TRAPPC9: variants seen among roughly 807,000 people sequenced by gnomAD.
TRAPPC9 encodes trafficking protein particle complex subunit 9, also known as IKK2 binding protein.
In TRAPPC9, 83 loss-of-function variants were observed where a neutral mutation model predicts 124.0. That is an observed-to-expected ratio of 0.67 (90% confidence interval 0.56 to 0.80). The LOEUF is 0.80. Among genes scored for constraint, TRAPPC9 ranks in the 30% least tolerant of loss-of-function variants. The probability of loss-of-function intolerance (pLI) is 0.00; values close to 1 mark genes in which losing one functional copy is unlikely to be tolerated. For missense variants in TRAPPC9, 1,302 were observed against 1,508.3 expected, an observed-to-expected ratio of 0.86 and a Z score of 2.27; for synonymous variants, 638 against 617.5, an observed-to-expected ratio of 1.03 and a Z score of -0.49.
intron 17 of TRAPPC9, among the ~76,000 whole-genome samples, chr8:140,132,427 A>G (rs968464346): frequency 2.6e-5 from 4 of 152,022 alleles, no homozygotes; most frequent in Non-Finnish European, 5.9e-5. Context: ...TTTTATTATC[A>G]CCCAAACCTC....
intron 9 of TRAPPC9, among the ~76,000 whole-genome samples, chr8:140,317,676 T>C (rs535555818): frequency 1.3e-5 from 2 of 152,338 alleles, no homozygotes; most frequent in Admixed American, 1.3e-4. Context: ...AGATTTGGAC[T>C]ATAAGCTCCT....
chr8:140,026,212 A>C (rs1306584018), intron 17 of TRAPPC9, among the ~76,000 whole-genome samples: 1 of 152,100 alleles, frequency 6.6e-6, no homozygotes, highest in Non-Finnish European at 1.5e-5. Context: ...ATTCCATTAC[A>C]TGTATGTACT....
At chr8:140,111,337 T>C (rs1226724361) in intron 17 of TRAPPC9, among the ~76,000 whole-genome samples, 1 of 152,106 alleles carries the variant, frequency 6.6e-6, no homozygotes, top group African/African-American at 2.4e-5. Context: ...ATCCAGACTC[T>C]TCTCCACCTG....
At position 139,729,542 on chromosome 8, in the gene TRAPPC9, A is replaced by G. The variant is rs1053971636; in HGVS notation, c.*1519T>C. On this transcript the variant is annotated 3_prime_UTR_variant, in exon 23 of 23. Transcript: ENST00000438773. ...AGCTCCAGGAACTGAGGGCCACTGG[A>G]CACCCGCCCCCACATGCCCCCAGCC... 6.6e-6 allele frequency among the ~76,000 whole-genome samples: 1 copy of G among 152,156 alleles called. No individual in the cohort carries two copies. Among genetic ancestry groups the G allele is most frequent in the African/African-American group, 2.4e-5 (1 of 41,428 alleles).
chr8:140,264,304 G>T (rs2064539250), intron 15 of TRAPPC9, among the ~76,000 whole-genome samples: 1 of 152,064 alleles, frequency 6.6e-6, no homozygotes, highest in South Asian at 2.1e-4. Flanking sequence ...GCCTCCCAAG[G>T]TGCTTCTCGC....
intron 18 of TRAPPC9, among the ~76,000 whole-genome samples, chr8:140,000,741 G>A (rs1178730513): frequency 6.6e-6 from 1 of 152,082 alleles, no homozygotes; most frequent in African/African-American, 2.4e-5. Context: ...AATAGATGCT[G>A]GAGAGGATGT....
In TRAPPC9 at chr8:140,401,927, CT is replaced by C. The variant is rs769830190; in HGVS notation, c.1008+3649del. Among the ~76,000 whole-genome samples, 1,357 of 139,566 alleles carry C rather than the reference CT, an allele frequency of 9.7e-3. 14 individuals carry two copies. The highest frequency in any genetic ancestry group is 0.045 in the Middle Eastern group (12 of 264). The allele number at this position is 139,566 out of a possible 152,430, so 91.6% of individuals were successfully genotyped here. ...AGGCATGAGCCATTGCACTCAACCTCTTTTTTTTTTTTTTTAATTAATTCTT... is the reference window on the plus strand; with the variant it reads ...AGGCATGAGCCATTGCACTCAACCTCTTTTTTTTTTTTTTAATTAATTCTT... On this transcript the variant is annotated intron_variant, in intron 6 of 22. Transcript: ENST00000438773.
intron 9 of TRAPPC9, among the ~76,000 whole-genome samples, chr8:140,320,226 T>C (rs1480348421): frequency 6.6e-6 from 1 of 152,214 alleles, no homozygotes. Context: ...TCTTTCAACA[T>C]AACAATGCTG....
chr8:139,886,468 T>C (rs1291792402), intron 20 of TRAPPC9, among the ~76,000 whole-genome samples: 1 of 152,112 alleles, frequency 6.6e-6, no homozygotes, highest in African/African-American at 2.4e-5. Context: ...AGCCATAAAG[T>C]CTCTCAGCAA....
At chr8:139,793,025 C>A (rs963115352) in intron 21 of TRAPPC9, among the ~76,000 whole-genome samples, 2 of 152,192 alleles carry the variant, frequency 1.3e-5, no homozygotes, top group African/African-American at 4.8e-5. Context: ...TCCGCTGGGT[C>A]TGGCGTTGCA....
chr8:140,051,302 G>C (rs897091063), intron 17 of TRAPPC9, among the ~76,000 whole-genome samples: 11 of 152,246 alleles, frequency 7.2e-5, no homozygotes, highest in African/African-American at 2.7e-4. Context: ...AGGATGGACA[G>C]AGCAGCTCCA....
At chr8:140,110,255 C>T (rs186195238) in intron 17 of TRAPPC9, among the ~76,000 whole-genome samples, 3 of 134,824 alleles carry the variant, frequency 2.2e-5, no homozygotes, top group Admixed American at 7.4e-5. Context: ...GCAGCTCCCC[C>T]CTGCACCCCC....
At chr8:139,920,781 A>T (rs964969755) in intron 19 of TRAPPC9, among the ~76,000 whole-genome samples, 1 of 152,236 alleles carries the variant, frequency 6.6e-6, no homozygotes, top group African/African-American at 2.4e-5. Context: ...GACCAGCAGC[A>T]CCTGCAGAGG....
At chr8:140,153,463 G>A (rs1011560729) in intron 17 of TRAPPC9, among the ~76,000 whole-genome samples, 2 of 151,880 alleles carry the variant, frequency 1.3e-5, no homozygotes, top group Non-Finnish European at 1.5e-5. Flanking sequence ...TTTCTCCTAT[G>A]CTATCAACAC....
chr8:140,357,162 A>C lies in TRAPPC9; in HGVS notation c.1495+2888T>G, dbSNP rs576087337. ...ACAAGTGCAGGAAGAAAGAGAGCAG[A>C]GGCCCAGAGTCCCTGGTCTAGCTAG... On this transcript the variant is annotated intron_variant, in intron 9 of 22. Coordinates refer to ENST00000438773, the MANE Select transcript of TRAPPC9 (RefSeq NM_001160372.4). Among the ~76,000 whole-genome samples, 13 of 152,314 alleles carry C rather than the reference A, an allele frequency of 8.5e-5. No individual in the cohort carries two copies. The South Asian group carries it at 2.7e-3, about 32-fold the overall frequency.
chr8:139,757,437 G>A (rs1208829012), intron 21 of TRAPPC9, among the ~76,000 whole-genome samples: 5 of 150,224 alleles, frequency 3.3e-5, no homozygotes, highest in Non-Finnish European at 7.4e-5. Flanking sequence ...CGCAGGAGGA[G>A]CCAGGGTTTG....
At chr8:140,423,090 G>A (rs1439115450) in intron 5 of TRAPPC9, among the ~76,000 whole-genome samples, 6 of 152,106 alleles carry the variant, frequency 3.9e-5, no homozygotes, top group African/African-American at 1.2e-4. Context: ...AAAGTTAAAC[G>A]TTGAGTTACC....
Position 140,132,540 on chromosome 8 carries a change from C to A in TRAPPC9, c.2556+88919G>T, listed in dbSNP as rs185687197. Among the ~76,000 whole-genome samples, 22 of 152,264 alleles carry A rather than the reference C, an allele frequency of 1.4e-4. No homozygotes were observed. The East Asian group carries it at 3.5e-3, about 24-fold the overall frequency. ...CACTGCAGCTTCACTCCATCAAGCCCACCAACGCAGAGCTTGACACAAACA... is the reference window on the plus strand; with the variant it reads ...CACTGCAGCTTCACTCCATCAAGCCAACCAACGCAGAGCTTGACACAAACA... On this transcript the variant is annotated intron_variant, in intron 17 of 22. Coordinates refer to ENST00000438773, the MANE Select transcript of TRAPPC9 (RefSeq NM_001160372.4).
At chr8:139,970,942 G>A (rs1486845565) in intron 19 of TRAPPC9, among the ~76,000 whole-genome samples, 1 of 138,698 alleles carries the variant, frequency 7.2e-6, no homozygotes, top group Non-Finnish European at 1.5e-5. Flanking sequence ...TGCCCTCCCC[G>A]AGTGAGTGAA....
Sources: allele counts gnomAD v4.1 joint callset (sites outside exome capture counted in the v4.1 genomes callset), GRCh38; gene constraint gnomAD v4.1.1; transcripts MANE v1.5; gene names NCBI Gene and HGNC (gene_info 2026-07-23, HGNC 2026-07-21).